Variants in ONECUT1 observed in about 807,000 individuals in gnomAD.
ONECUT1 encodes the protein one cut homeobox 1, also known as hepatocyte nuclear factor 6.
In ONECUT1, 12 loss-of-function variants were observed where a neutral mutation model predicts 25.6. That is an observed-to-expected ratio of 0.47 (90% CI 0.30 to 0.76). ONECUT1 has a LOEUF of 0.76. Ranked by LOEUF, ONECUT1 falls within the 30% of genes least tolerant of loss-of-function variation. ONECUT1 has a pLI of 0.07. For synonymous variants in ONECUT1, 285 were observed against 270.2 expected (o/e 1.05, Z -0.54); for missense variants, 620 against 651.2 (o/e 0.95, Z 0.52).
intron 1 of ONECUT1, among the ~76,000 whole-genome samples, chr15:52,761,728 G>A (rs756575763): frequency 2.2e-4 from 34 of 152,270 alleles, no homozygotes; most frequent in Non-Finnish European, 2.2e-4. Flanking sequence ...TGGCAGAATC[G>A]GAGAAGAACT....
intron 1 of ONECUT1, among the ~76,000 whole-genome samples, chr15:52,761,408 C>T (rs1050858817): frequency 5.9e-5 from 9 of 152,312 alleles, no homozygotes; most frequent in South Asian, 2.1e-4. Flanking sequence ...CAGTTTCTCA[C>T]GCCTGTAATC....
intron 1 of ONECUT1, among the ~76,000 whole-genome samples, chr15:52,772,231 A>G (rs1458924810): frequency 6.6e-6 from 1 of 152,064 alleles, no homozygotes; most frequent in Admixed American, 6.5e-5. Flanking sequence ...CGTCTCTACT[A>G]AAAATACAAA....
chr15:52,788,912 C>T lies in ONECUT1; in HGVS notation c.973G>A (p.Gly325Arg), dbSNP rs2083895088. 6.2e-7 allele frequency: 1 copy of T among 1,614,066 alleles called. No individual in the cohort carries two copies. Among genetic ancestry groups the T allele is most frequent in the Non-Finnish European group, 8.5e-7 (1 of 1,180,014 alleles). ...FAQRVLCRSQGTLSDLLRNPK... is the reference protein window; with the variant it reads ...FAQRVLCRSQRTLSDLLRNPK... ...TTGCGCAGCAGGTCCGAGAGGGTCC[C>T]CTGGGAGCGGCAGAGCACCCTCTGC... Residue 325 changes from glycine to arginine, a missense_variant, in exon 1 of 2, where the codon GGG (glycine) becomes AGG (arginine). Coordinates refer to ENST00000305901, the MANE Select transcript of ONECUT1 (RefSeq NM_004498.4). This position sits in a 1 kb window ranked among gnomAD's most constrained non-coding sequence, Gnocchi z 4.3.
chr15:52,789,916 C>T lies in ONECUT1; in HGVS notation c.-32G>A, dbSNP rs2083908896. The T allele has an allele frequency of 6.7e-7, 1 of 1,500,416 alleles. No homozygotes were observed. Among genetic ancestry groups the T allele is most frequent in the East Asian group, 2.7e-5 (1 of 37,730 alleles). 92.9% of individuals were successfully genotyped at this position (1,500,416 alleles called of 1,614,324 possible). A position where few individuals can be genotyped will look rare whatever the true frequency, so the allele number is the denominator to read the frequency against. ...CCGGGCGAGCAGGCGGCGGACACAACATCGATGTGGCCAGGCAGAGGCGGC... is the reference window on the plus strand; with the variant it reads ...CCGGGCGAGCAGGCGGCGGACACAATATCGATGTGGCCAGGCAGAGGCGGC... On this transcript the variant is annotated 5_prime_UTR_variant, in exon 1 of 2. It removes an upstream start codon present in the reference 5' UTR. Transcript: ENST00000305901. The surrounding 1 kb of genome is among the most constrained non-coding windows in gnomAD (Gnocchi z 4.1).
intron 1 of ONECUT1, among the ~76,000 whole-genome samples, chr15:52,774,620 G>A (rs534323204): frequency 1.2e-4 from 19 of 152,184 alleles, no homozygotes; most frequent in Admixed American, 3.3e-4. Flanking sequence ...TTTTAAAAAA[G>A]CATTGAAATT....
Position 52,786,289 on chromosome 15 carries a change from T to C in ONECUT1, c.1105+2491A>G, listed in dbSNP as rs532353068. ...TTAAAAATAGGTTGTGAAGAGACTG[T>C]TCCTGGTTCCTTGCAGGAGACCCTC... On this transcript the variant is annotated intron_variant, in intron 1 of 1. Transcript: ENST00000305901. 5.3e-5 allele frequency among the ~76,000 whole-genome samples: 8 copies of C among 152,368 alleles called. No homozygotes were observed. The South Asian group carries it at 1.7e-3, about 32-fold the overall frequency.
At chr15:52,777,728 ACAC>A (rs1284872140) in intron 1 of ONECUT1, among the ~76,000 whole-genome samples, 19 of 125,192 alleles carry the variant, frequency 1.5e-4, no homozygotes, top group South Asian at 7.6e-4. Context: ...ACACACACAC[ACAC>A]ACACACAAAA....
At chr15:52,778,271 G>C (rs2083817371) in intron 1 of ONECUT1, among the ~76,000 whole-genome samples, 1 of 152,000 alleles carries the variant, frequency 6.6e-6, no homozygotes, top group South Asian at 2.1e-4. Context: ...CTAAATTTAT[G>C]TTTATTACTC....
At chr15:52,776,669 A>T (rs2083803014) in intron 1 of ONECUT1, among the ~76,000 whole-genome samples, 1 of 152,188 alleles carries the variant, frequency 6.6e-6, no homozygotes, top group Admixed American at 6.5e-5. Flanking sequence ...GCTCCCACAG[A>T]ACTTTATTTC....
chr15:52,773,402 C>T (rs578221364), intron 1 of ONECUT1, among the ~76,000 whole-genome samples: 63 of 152,192 alleles, frequency 4.1e-4, no homozygotes, highest in Admixed American at 2.7e-3. Flanking sequence ...TTTAGAAATA[C>T]GTACATGAGC....
chr15:52,788,954 G>T lies in ONECUT1; in HGVS notation c.931C>A (p.Pro311Thr), dbSNP rs2083895547. The T allele has an allele frequency of 6.2e-7, 1 of 1,613,690 alleles. No homozygotes were observed. Among genetic ancestry groups the T allele is most frequent in the East Asian group, 2.2e-5 (1 of 44,874 alleles). ...ACCCTCTGCGCGAAGATGGCCTGTG[G>T]GATGCTGTAGCGCTTGAGCTCGGTG... is the stretch of plus-strand genomic sequence containing the variant. ...ITTELKRYSI[P>T]QAIFAQRVLC... The change falls in exon 1 of 2, where the codon CCA (proline) becomes ACA (threonine). Residue 311 changes from proline to threonine, a missense_variant. By Grantham distance (38) the Pro-to-Thr change is conservative. This residue lies in a region of ONECUT1 where 146 missense variants were observed against 201.8 expected (regional missense o/e 0.72). Transcript: ENST00000305901. The surrounding 1 kb of genome is among the most constrained non-coding windows in gnomAD (Gnocchi z 4.3).
Position 52,757,593 on chromosome 15 carries a change from T to A in ONECUT1, c.1360A>T (p.Asn454Tyr). ...WQDEGSSNSG[N>Y]SSSSSSTCTK... ...CAAGTGCTTGATGAAGAAGATGAGT[T>A]GCCTGAATTGGAGCTGCCCTCGTCC... The change falls in exon 2 of 2, where the codon AAC becomes TAC. Residue 454 changes from asparagine (N) to tyrosine (Y), a missense_variant. Around this residue, in one of 4 missense-constraint regions of ONECUT1, gnomAD observed 30 missense variants for 25.1 expected, o/e 1.20. Transcript: ENST00000305901. The A allele has an allele frequency of 1.9e-6, 3 of 1,614,088 alleles. No individual in the cohort carries two copies. Among genetic ancestry groups the A allele is most frequent in the Non-Finnish European group, 2.5e-6 (3 of 1,179,986 alleles).
In ONECUT1 at chr15:52,789,946, G is replaced by C. The variant is rs1334578686; in HGVS notation, c.-62C>G. The stretch of plus-strand genomic sequence containing the variant: ...ATGTGGCCAGGCAGAGGCGGCGAGG[G>C]GCGCACGGAGTCCGGTCTTCACATC... On this transcript the variant is annotated 5_prime_UTR_variant, in exon 1 of 2. Transcript: ENST00000305901. This position sits in a 1 kb window ranked among gnomAD's most constrained non-coding sequence, Gnocchi z 4.1. 6 of 1,465,902 alleles carry C rather than the reference G, an allele frequency of 4.1e-6. No individual in the cohort carries two copies. The Admixed American group carries it at 1.5e-4, about 36-fold the overall frequency. 90.8% of individuals were successfully genotyped at this position (1,465,902 alleles called of 1,614,324 possible). A position where few individuals can be genotyped will look rare whatever the true frequency, so the allele number is the denominator to read the frequency against.
At chr15:52,779,913 C>T (rs180754425) in intron 1 of ONECUT1, among the ~76,000 whole-genome samples, 1 of 152,308 alleles carries the variant, frequency 6.6e-6, no homozygotes, top group East Asian at 1.9e-4. Flanking sequence ...AGGCATCTGT[C>T]TCCATCCATC....
At position 52,790,102 on chromosome 15, in the gene ONECUT1, A is replaced by AC. The variant is rs1272483377; in HGVS notation, c.-219dup. 4 of 521,418 alleles carry AC rather than the reference A, an allele frequency of 7.7e-6. No individual in the cohort carries two copies. Among genetic ancestry groups the AC allele is most frequent in the Non-Finnish European group, 1.1e-5 (4 of 362,462 alleles). The allele number at this position is 521,418 out of a possible 1,614,324, so 32.3% of individuals were successfully genotyped here. A position where few individuals can be genotyped will look rare whatever the true frequency, so the allele number is the denominator to read the frequency against. ...GTGTGTGTGTCTCGCCTTCCCTCTT[A>AC]CCCCCCACCTTCCCCTCTGCGTCCT... On this transcript the variant is annotated 5_prime_UTR_variant, in exon 1 of 2. Coordinates refer to ENST00000305901, the MANE Select transcript of ONECUT1 (RefSeq NM_004498.4).
At chr15:52,777,737 C>CACACAAAA (rs57187579) in intron 1 of ONECUT1, among the ~76,000 whole-genome samples, 10 of 103,456 alleles carry the variant, frequency 9.7e-5, no homozygotes, top group African/African-American at 3.5e-4. Flanking sequence ...CACACACACA[C>CACACAAAA]AAAAAAACAT....
At position 52,755,876 on chromosome 15, in the gene ONECUT1, G is replaced by T. The variant is rs1163611372; in HGVS notation, c.*1679C>A. Among the ~76,000 whole-genome samples, 1 of 149,258 alleles carries T rather than the reference G, an allele frequency of 6.7e-6. No homozygotes were observed. Among genetic ancestry groups the T allele is most frequent in the Non-Finnish European group, 1.5e-5 (1 of 67,892 alleles). On this transcript the variant is annotated 3_prime_UTR_variant, in exon 2 of 2. Transcript: ENST00000305901. ...TGATTCACTGGGGTACCACTAATAC[G>T]ACTTCATTTTTTTTTTGACTTTGAC...
In ONECUT1 at chr15:52,789,134, G is replaced by A. The variant is rs1023960359; in HGVS notation, c.751C>T (p.His251Tyr). 109 of 1,599,588 alleles carry A rather than the reference G, an allele frequency of 6.8e-5. No homozygotes were observed. Among genetic ancestry groups the A allele is most frequent in the Non-Finnish European group, 9.1e-5 (107 of 1,178,828 alleles). Residue 251 changes from histidine to tyrosine, a missense_variant, in exon 1 of 2, where the codon CAT (histidine) becomes TAT (tyrosine). By Grantham distance (83) the His-to-Tyr change is moderately conservative (BLOSUM62 2). Around this residue, in one of 4 missense-constraint regions of ONECUT1, gnomAD observed 440 missense variants for 404.9 expected, o/e 1.09. Transcript: ENST00000305901. This position sits in a 1 kb window ranked among gnomAD's most constrained non-coding sequence, Gnocchi z 4.1. ...TGGGCGTTCAGGTGGGCGTGGGGATGGTGCGGAGGAAGGCCGTTGATGGGC... is the reference window on the plus strand; with the variant it reads ...TGGGCGTTCAGGTGGGCGTGGGGATAGTGCGGAGGAAGGCCGTTGATGGGC... The part of the protein sequence containing the change: ...MVPINGLPPH[H>Y]PHAHLNAQGH...
chr15:52,777,099 T>C (rs2141457470), intron 1 of ONECUT1, among the ~76,000 whole-genome samples: 1 of 152,290 alleles, frequency 6.6e-6, no homozygotes, highest in African/African-American at 2.4e-5. Context: ...AATCAATTAT[T>C]CCTCTAAGGA....
Sources: gnomAD v4.1 joint callset for allele counts (sites outside exome capture counted in the v4.1 genomes callset) on GRCh38, gnomAD v4.1.1 for gene constraint, gnomAD v4.1.1 regional missense constraint, Gnocchi (gnomAD v3.1) non-coding constraint, MANE v1.5 for transcripts, NCBI Gene and HGNC (gene_info 2026-07-23, HGNC 2026-07-21) for gene names.